The following SLC4A11 variants were observed in gnomAD, a reference collection of about 807,000 sequenced individuals.
SLC4A11 encodes the protein bicarbonate transporter related protein 1.
A neutral mutation model predicts 95.0 loss-of-function variants in SLC4A11; 74 were observed. That is an observed-to-expected ratio of 0.78 (90% CI 0.65 to 0.95). The LOEUF (loss-of-function observed/expected upper bound fraction) is 0.95, where lower values mean the gene tolerates loss of function less well. SLC4A11 is among the 40% of genes least tolerant of loss of function. The pLI is 0.00. For missense variants in SLC4A11, 1,081 were observed against 1,192.4 expected (o/e 0.91, Z 1.38); for synonymous variants, 548 against 519.0 (o/e 1.06, Z -0.76).
In SLC4A11 at chr20:3,234,941, C is replaced by A. The variant is rs777882513; in HGVS notation, c.89-47G>T. On this transcript the variant is annotated intron_variant, in intron 2 of 19. Coordinates refer to ENST00000642402, the MANE Select transcript of SLC4A11 (RefSeq NM_001174089.2). This position sits in a 1 kb window ranked among gnomAD's most constrained non-coding sequence, Gnocchi z 5.8. ...AGGGCCTGGCTGTTAAAGTGCCACA[C>A]ACAGGAAGGAGGGGCTCCAAGCCCA... 1 of 1,612,510 alleles carries A rather than the reference C, an allele frequency of 6.2e-7. No individual in the cohort carries two copies. Among genetic ancestry groups the A allele is most frequent in the Admixed American group, 1.7e-5 (1 of 60,014 alleles).
intron 1 of SLC4A11, chr20:3,238,054 T>A (rs1226924624): frequency 2.0e-6 from 3 of 1,488,622 alleles, no homozygotes; most frequent in Non-Finnish European, 2.7e-6. Flanking sequence ...CTGGGGGCCA[T>A]AAACGCCCAT....
intron 19 of SLC4A11, 103 bp downstream of exon 19, chr20:3,228,156 T>C (rs2122495534): frequency 4.4e-6 from 2 of 453,496 alleles, no homozygotes; most frequent in Non-Finnish European, 4.3e-6. Flanking sequence ...ACCCGCCCAT[T>C]CTCCGCCCCT....
Position 3,231,234 on chromosome 20 carries a change from C to T in SLC4A11, c.957G>A (p.Lys319=), listed in dbSNP as rs2067762393. 1.2e-6 allele frequency: 2 copies of T among 1,613,866 alleles called. No individual in the cohort carries two copies. Among genetic ancestry groups the T allele is most frequent in the Non-Finnish European group, 1.7e-6 (2 of 1,180,038 alleles). Residue 319 remains lysine (K), a synonymous_variant, in exon 9 of 20, where the codon AAG becomes AAA. Transcript: ENST00000642402. The surrounding 1 kb of genome is among the most constrained non-coding windows in gnomAD (Gnocchi z 5.2). ...LPAHRHPEPP[K]CKDFVPFGKG... The stretch of plus-strand genomic sequence containing the variant: ...TCCCAAAAGGGACAAAGTCCTTGCA[C>T]TTTGGGGGCTGGAGGAGAGGACAGA...
chr20:3,228,258 C>T lies in SLC4A11; in HGVS notation c.2558+1G>A, dbSNP rs371909885. The T allele has an allele frequency of 1.6e-5, 25 of 1,611,894 alleles. No individual in the cohort carries two copies. The African/African-American group carries it at 2.9e-4, about 19-fold the overall frequency. The stretch of plus-strand genomic sequence containing the variant: ...CCTGCCCACTGCCCACCCGCCTGTA[C>T]CGGATGGGGATCATGGCGATCATGA... On this transcript the variant is annotated splice_donor_variant, in intron 19 of 19. Transcript: ENST00000642402. LOFTEE classifies it high-confidence loss of function.
At position 3,233,497 on chromosome 20, in the gene SLC4A11, C is replaced by T. The variant is rs766264434; in HGVS notation, c.729+17G>A. On this transcript the variant is annotated intron_variant, in intron 7 of 19. Transcript: ENST00000642402. ...GGGGCCCTCCTTCTTCCCCAGGACA[C>T]GGCACTACCCACTCACCATCTTGGG... The T allele has an allele frequency of 1.5e-5, 25 of 1,612,958 alleles. No homozygotes were observed. The highest frequency in any genetic ancestry group is 6.7e-5 in the East Asian group (3 of 44,860).
Position 3,237,865 on chromosome 20 carries a change from T to C in SLC4A11, c.44-277A>G, listed in dbSNP as rs765295619. ...GCGAGGAGGAGAGACGTTCCAGGGA[T>C]GTCTTCCCACCGAGTTAGTACCAGT... On this transcript the variant is annotated intron_variant, in intron 1 of 19. Coordinates refer to ENST00000642402, the MANE Select transcript of SLC4A11 (RefSeq NM_001174089.2). 9 of 1,551,636 alleles carry C rather than the reference T, an allele frequency of 5.8e-6. No homozygotes were observed. The South Asian group carries it at 9.5e-5, about 16-fold the overall frequency.
rs1012549508 is a variant in SLC4A11, at chr20:3,238,428, G to T, written c.43+667C>A. The T allele has an allele frequency of 1.1e-4, 111 of 1,040,750 alleles. 1 individual carries two copies. In the South Asian group the frequency reaches 4.2e-3, roughly 39 times the overall value. 64.5% of individuals were successfully genotyped at this position (1,040,750 alleles called of 1,614,324 possible). A position where few individuals can be genotyped will look rare whatever the true frequency, so the allele number is the denominator to read the frequency against. On this transcript the variant is annotated intron_variant, in intron 1 of 19. Coordinates refer to ENST00000642402, the MANE Select transcript of SLC4A11 (RefSeq NM_001174089.2). ...GGAGCCGGGGCTGCATCCTGAAGTG[G>T]GGGGCGGGGGCGCTGGGGCGCGTCC...
rs540847946 is a variant in SLC4A11 at position 3,231,579 on chromosome 20, A to G, written c.730-31T>C. The stretch of plus-strand genomic sequence containing the variant: ...GGTGGAGGATGGGAGTCACCCCTAG[A>G]AACAGAGGAGGCCCTGCCCGGGCCG... On this transcript the variant is annotated intron_variant, in intron 7 of 19. Coordinates refer to ENST00000642402, the MANE Select transcript of SLC4A11 (RefSeq NM_001174089.2). This position sits in a 1 kb window ranked among gnomAD's most constrained non-coding sequence, Gnocchi z 5.2. The G allele has an allele frequency of 0.22, 352,418 of 1,606,380 alleles. 39,161 individuals carry two copies. The highest frequency in any genetic ancestry group is 0.31 in the East Asian group (13,842 of 44,754).
Position 3,231,285 on chromosome 20 carries a change from T to C in SLC4A11, c.949-43A>G. On this transcript the variant is annotated intron_variant, in intron 8 of 19. Transcript: ENST00000642402. This position sits in a 1 kb window ranked among gnomAD's most constrained non-coding sequence, Gnocchi z 5.2. ...GCGCCTGTTAGCCCTGTCCGGCCCA[T>C]GCCCCCGCCGACCCTGCCGGCCCCC... The C allele has an allele frequency of 6.2e-7, 1 of 1,613,256 alleles. No homozygotes were observed. Among genetic ancestry groups the C allele is most frequent in the Middle Eastern group, 1.7e-4 (1 of 6,054 alleles).
chr20:3,233,862 A>G (rs1428265671), intron 6 of SLC4A11, 59 bp downstream of exon 6: 15 of 1,590,390 alleles, frequency 9.4e-6, no homozygotes, highest in African/African-American at 2.7e-5. Flanking sequence ...GGCACAGGGG[A>G]CATGGGACAC....
At chr20:3,229,927 C>G in intron 13 of SLC4A11, 151 bp from the exon 14 acceptor site, 1 of 1,198,516 alleles carries the variant, frequency 8.3e-7, no homozygotes, top group East Asian at 2.4e-5. Flanking sequence ...GCCCACTGTC[C>G]CTGTCCCATC....
chr20:3,239,247 C>G (rs2068082895), upstream of SLC4A11: 29 of 1,289,634 alleles, frequency 2.2e-5, no homozygotes, highest in Non-Finnish European at 2.4e-5. Context: ...GACACACCCC[C>G]ACGCCGCGCC....
rs781663947 is a variant in SLC4A11 at position 3,229,053 on chromosome 20, G to A, written c.2018+42C>T. The A allele has an allele frequency of 3.8e-6, 6 of 1,567,542 alleles. No individual in the cohort carries two copies. The East Asian group carries it at 1.2e-4, about 31-fold the overall frequency. On this transcript the variant is annotated intron_variant, in intron 16 of 19. Coordinates refer to ENST00000642402, the MANE Select transcript of SLC4A11 (RefSeq NM_001174089.2). ...CTCGTGGACAGAGCCCCACAGCAGAGGCCCGGGCCCCGCCCACCCCACCCT... is the reference window on the plus strand; with the variant it reads ...CTCGTGGACAGAGCCCCACAGCAGAAGCCCGGGCCCCGCCCACCCCACCCT...
chr20:3,228,896 G>T lies in SLC4A11; in HGVS notation c.2134C>A (p.His712Asn). ...TCCACTAAGGCCAGGGCTCGCACGT[G>T]CAGCGGGGAGTGGGGGTAGGCGGCA... ...IHAAYPHSPL[H>N]VRALALVEER... Residue 712 changes from histidine to asparagine, a missense_variant, in exon 17 of 20, where the codon CAC becomes AAC. His to Asn is a moderately conservative substitution (Grantham distance 68, BLOSUM62 1). Around this residue, in one of 3 missense-constraint regions of SLC4A11, gnomAD observed 767 missense variants for 858.0 expected, o/e 0.89. Coordinates refer to ENST00000642402, the MANE Select transcript of SLC4A11 (RefSeq NM_001174089.2). 6.2e-7 allele frequency: 1 copy of T among 1,613,974 alleles called. No individual in the cohort carries two copies. The highest frequency in any genetic ancestry group is 8.5e-7 in the Non-Finnish European group (1 of 1,180,026).
intron 7 of SLC4A11, among the ~76,000 whole-genome samples, chr20:3,232,977 T>C (rs1204135706): frequency 6.6e-6 from 1 of 152,134 alleles, no homozygotes; most frequent in Non-Finnish European, 1.5e-5. Flanking sequence ...AGAACCCCAT[T>C]TGCACACAGA....
At chr20:3,236,262 C>T (rs2122634186) in intron 2 of SLC4A11, among the ~76,000 whole-genome samples, 1 of 152,290 alleles carries the variant, frequency 6.6e-6, no homozygotes, top group African/African-American at 2.4e-5. Flanking sequence ...GGACTGGTGA[C>T]TCCCAGGCCC....
In SLC4A11 at chr20:3,230,702, C is replaced by T. The variant is rs541327845; in HGVS notation, c.1282+30G>A. 14 of 1,612,906 alleles carry T rather than the reference C, an allele frequency of 8.7e-6. No homozygotes were observed. The South Asian group carries it at 8.8e-5, about 10-fold the overall frequency. ...CCCGGCAGGAACCAGGGGTCTCAGG[C>T]ACCATCTCCCGCCTCAGCCCCCACT... is the stretch of plus-strand genomic sequence containing the variant. On this transcript the variant is annotated intron_variant, in intron 11 of 19. Coordinates refer to ENST00000642402, the MANE Select transcript of SLC4A11 (RefSeq NM_001174089.2).
intron 7 of SLC4A11, among the ~76,000 whole-genome samples, chr20:3,232,188 G>C (rs747226659): frequency 7.9e-5 from 12 of 152,226 alleles, no homozygotes; most frequent in Non-Finnish European, 8.8e-5. Context: ...TTCCCCAGTG[G>C]TATTTGCACT....
chr20:3,238,479 G>GA (rs2068060498), intron 1 of SLC4A11: 2 of 1,016,188 alleles, frequency 2.0e-6, no homozygotes, highest in Non-Finnish European at 2.4e-6. Context: ...GAGGGTCTGG[G>GA]AGGGTTGGGC....
Sources: allele counts gnomAD v4.1 joint callset (sites outside exome capture counted in the v4.1 genomes callset), GRCh38; gene constraint gnomAD v4.1.1; regional missense constraint gnomAD v4.1.1; non-coding constraint Gnocchi (gnomAD v3.1); transcripts MANE v1.5; gene names NCBI Gene and HGNC (gene_info 2026-07-23, HGNC 2026-07-21).